DOCK4: variants seen among roughly 807,000 people sequenced by gnomAD.
DOCK4 encodes the protein dedicator of cytokinesis 4.
A neutral mutation model predicts 268.1 loss-of-function variants in DOCK4; 97 were observed. The observed-to-expected ratio is 0.36, with a 90% CI of 0.31 to 0.43. The LOEUF is 0.43. Ranked by LOEUF, DOCK4 falls within the 20% of genes least tolerant of loss-of-function variation. DOCK4 has a pLI of 1.00. For synonymous variants in DOCK4, 954 were observed against 887.2 expected, an observed-to-expected ratio of 1.08 and a Z score of -1.34; for missense variants, 2,145 against 2,455.7, an observed-to-expected ratio of 0.87 and a Z score of 2.67.
chr7:112,113,375 C>A (rs954766043), intron 1 of DOCK4, among the ~76,000 whole-genome samples: 9 of 151,800 alleles, frequency 5.9e-5, no homozygotes, highest in Admixed American at 2.0e-4. Context: ...CCAGAGAGGA[C>A]TAAATTGTAG....
chr7:111,729,029 T>C (rs1794877136), intron 52 of DOCK4, among the ~76,000 whole-genome samples: 1 of 152,144 alleles, frequency 6.6e-6, no homozygotes, highest in Non-Finnish European at 1.5e-5. Context: ...AAACCAAGGC[T>C]GCCACGCATT....
chr7:111,828,666 C>A (rs1802578458), intron 26 of DOCK4, among the ~76,000 whole-genome samples: 1 of 151,834 alleles, frequency 6.6e-6, no homozygotes, highest in Non-Finnish European at 1.5e-5. Flanking sequence ...TATTCTACAG[C>A]AATATGGGTA....
At position 111,971,519 on chromosome 7, in the gene DOCK4, T is replaced by C. The variant is rs143870085; in HGVS notation, c.701+5613A>G. On this transcript the variant is annotated intron_variant, in intron 8 of 52. Coordinates refer to ENST00000428084, the MANE Select transcript of DOCK4 (RefSeq NM_001363540.2). ...TGACGCAGGGCAGGCAGGAAGACGA[T>C]TAGTTCAATGGGATCCATGTCATGT... 5.2e-5 allele frequency: 10 copies of C among 193,342 alleles called. 1 individual carries two copies. Among genetic ancestry groups the C allele is most frequent in the South Asian group, 4.4e-4 (5 of 11,244 alleles). 12.0% of individuals were successfully genotyped at this position (193,342 alleles called of 1,614,324 possible).
At chr7:112,198,571 C>G (rs965081707) in intron 1 of DOCK4, among the ~76,000 whole-genome samples, 3 of 152,192 alleles carry the variant, frequency 2.0e-5, no homozygotes, top group African/African-American at 7.2e-5. Context: ...ACTTATCTCT[C>G]ACCTCAGTTA....
intron 26 of DOCK4, among the ~76,000 whole-genome samples, chr7:111,833,215 A>C (rs1802976128): frequency 1.3e-5 from 2 of 152,072 alleles, no homozygotes; most frequent in Non-Finnish European, 1.5e-5. Flanking sequence ...GTAAGTCCTA[A>C]GGCCTTTTAT....
chr7:111,739,008 C>A (rs1026238379), intron 49 of DOCK4, 126 bp downstream of exon 49: 16 of 700,544 alleles, frequency 2.3e-5, no homozygotes, highest in Non-Finnish European at 3.9e-5. Context: ...GCAATCTTCA[C>A]CAGCTGGATT....
At chr7:112,200,725 T>TTAAAAAAAAAA (rs1554478846) in intron 1 of DOCK4, among the ~76,000 whole-genome samples, 1 of 102,766 alleles carries the variant, frequency 9.7e-6, no homozygotes, top group African/African-American at 3.3e-5. Context: ...GCCTCTAAAA[T>TTAAAAAAAAAA]AAAAAAAAAA....
At chr7:111,861,247 A>T (rs1032273975) in intron 23 of DOCK4, among the ~76,000 whole-genome samples, 1 of 152,162 alleles carries the variant, frequency 6.6e-6, no homozygotes, top group African/African-American at 2.4e-5. Context: ...TCTCCAGGAT[A>T]TGTTTTTATT....
chr7:112,184,789 C>T lies in DOCK4; in HGVS notation c.37+21313G>A, dbSNP rs190169325. Among the ~76,000 whole-genome samples, 669 of 101,884 alleles carry T rather than the reference C, an allele frequency of 6.6e-3. 5 individuals are homozygous for T. The highest frequency in any genetic ancestry group is 0.011 in the Admixed American group (105 of 9,144). The allele number at this position is 101,884 out of a possible 152,430, so 66.8% of individuals were successfully genotyped here. On this transcript the variant is annotated intron_variant, in intron 1 of 52. Coordinates refer to ENST00000428084, the MANE Select transcript of DOCK4 (RefSeq NM_001363540.2). Reference sequence around the variant, plus strand: ...TAACACCTGTGTGACCCCTACAATCCCCCCCCCTTAGAGCTTGCAGAGGGT... The same window carrying T: ...TAACACCTGTGTGACCCCTACAATCTCCCCCCCTTAGAGCTTGCAGAGGGT...
At chr7:111,765,547 T>C (rs1797712729) in intron 38 of DOCK4, among the ~76,000 whole-genome samples, 1 of 152,232 alleles carries the variant, frequency 6.6e-6, no homozygotes, top group Non-Finnish European at 1.5e-5. Flanking sequence ...AAAAATTATT[T>C]CTATGCATGT....
At chr7:111,995,460 T>C (rs1224442384) in intron 4 of DOCK4, among the ~76,000 whole-genome samples, 1 of 14,730 alleles carries the variant, frequency 6.8e-5, no homozygotes, top group Non-Finnish European at 1.1e-4. Context: ...TGTGTGTGTA[T>C]GTGCAGGTGA....
intron 1 of DOCK4, among the ~76,000 whole-genome samples, chr7:112,164,775 TG>T (rs1719237033): frequency 6.6e-6 from 1 of 152,266 alleles, no homozygotes; most frequent in African/African-American, 2.4e-5. Flanking sequence ...AAGTGGGTAC[TG>T]TTATTTCATC....
chr7:112,054,603 A>G (rs1043916225), intron 1 of DOCK4, among the ~76,000 whole-genome samples: 5 of 152,184 alleles, frequency 3.3e-5, no homozygotes, highest in Non-Finnish European at 5.9e-5. Context: ...ATGAAATACA[A>G]CAATGTATTT....
chr7:112,122,006 G>A (rs1045065781), intron 1 of DOCK4, among the ~76,000 whole-genome samples: 26 of 152,068 alleles, frequency 1.7e-4, no homozygotes, highest in African/African-American at 6.3e-4. Context: ...AAAAAATGCT[G>A]CAAACAATAT....
intron 22 of DOCK4, among the ~76,000 whole-genome samples, chr7:111,865,635 T>C (rs745374490): frequency 1.3e-5 from 2 of 152,208 alleles, no homozygotes; most frequent in East Asian, 1.9e-4. Context: ...AAAAGAGATT[T>C]TGCAGATGTA....
intron 1 of DOCK4, among the ~76,000 whole-genome samples, chr7:112,100,341 T>C (rs1810563706): frequency 6.6e-6 from 1 of 152,234 alleles, no homozygotes; most frequent in South Asian, 2.1e-4. Flanking sequence ...TAGATACGCA[T>C]TTGGATGCTG....
chr7:112,104,338 A>C (rs1340025541), intron 1 of DOCK4, among the ~76,000 whole-genome samples: 1 of 152,222 alleles, frequency 6.6e-6, no homozygotes, highest in African/African-American at 2.4e-5. Context: ...TTTTAAGTAC[A>C]TCACTGCAAT....
At chr7:112,195,849 T>C (rs993413335) in intron 1 of DOCK4, among the ~76,000 whole-genome samples, 1 of 152,288 alleles carries the variant, frequency 6.6e-6, no homozygotes, top group East Asian at 1.9e-4. Flanking sequence ...AGATAAGTTG[T>C]TAGCAAATTC....
At chr7:112,026,618 TG>T (rs1802817327) in intron 1 of DOCK4, among the ~76,000 whole-genome samples, 1 of 152,208 alleles carries the variant, frequency 6.6e-6, no homozygotes, top group Non-Finnish European at 1.5e-5. Context: ...TTTTGTGACA[TG>T]TAAAAATTAT....
Sources: allele counts gnomAD v4.1 joint callset (sites outside exome capture counted in the v4.1 genomes callset), GRCh38; gene constraint gnomAD v4.1.1; transcripts MANE v1.5; gene names NCBI Gene and HGNC (gene_info 2026-07-23, HGNC 2026-07-21).